CNTNAP5: variants seen among roughly 807,000 people sequenced by gnomAD.
The protein encoded by CNTNAP5 is contactin associated protein family member 5.
A neutral mutation model predicts 150.2 loss-of-function variants in CNTNAP5; 72 were observed. The ratio of observed to expected loss-of-function variants is 0.48; its 90% CI spans 0.40 to 0.58. The LOEUF is 0.58. Among genes scored for constraint, CNTNAP5 ranks in the 20% least tolerant of loss-of-function variants. The pLI is 0.00. For missense variants in CNTNAP5, 1,636 were observed against 1,626.2 expected (o/e 1.01, Z -0.10); for synonymous variants, 672 against 619.8 (o/e 1.08, Z -1.25).
chr2:124,813,586 C>A (rs1332998047), intron 19 of CNTNAP5, among the ~76,000 whole-genome samples: 1 of 151,720 alleles, frequency 6.6e-6, no homozygotes, highest in Non-Finnish European at 1.5e-5. Flanking sequence ...CCCTAGGCCT[C>A]TAAAACTCAA....
chr2:124,504,175 C>A, intron 7 of CNTNAP5, 117 bp from the exon 8 acceptor site: 1 of 1,018,126 alleles, frequency 9.8e-7, no homozygotes, highest in South Asian at 1.6e-5. Context: ...TAAGATCTTG[C>A]CGCTGAATGT....
At position 124,903,032 on chromosome 2, in the gene CNTNAP5, C is replaced by T. The variant is rs34165507; in HGVS notation, c.3587C>T (p.Thr1196Met). The part of the protein sequence containing the change: ...VAPVTVHGTL[T>M]ESSCGFMVDS... ...CCTGTGACTGTCCATGGGACCTTGA[C>T]GGAATCCAGCTGTGGCTTCATGGTG... The change falls in exon 22 of 24, where the codon ACG becomes ATG. Residue 1196 changes from threonine (T) to methionine (M), a missense_variant. Physicochemically the swap from Thr to Met is moderately conservative, Grantham distance 81 (BLOSUM62 -1). Coordinates refer to ENST00000682447, the MANE Select transcript of CNTNAP5 (RefSeq NM_001367498.1). 32,516 of 1,607,612 alleles carry T rather than the reference C, an allele frequency of 0.02. 393 individuals are homozygous for T. Among genetic ancestry groups the T allele is most frequent in the Non-Finnish European group, 0.023 (27,631 of 1,176,726 alleles).
intron 12 of CNTNAP5, among the ~76,000 whole-genome samples, chr2:124,646,778 G>A (rs1332267112): frequency 3.3e-5 from 5 of 152,030 alleles, no homozygotes; most frequent in Non-Finnish European, 5.9e-5. Flanking sequence ...TGCAATTGTT[G>A]TTGTTTTCTT....
At chr2:124,731,921 C>T (rs1680280477) in intron 13 of CNTNAP5, among the ~76,000 whole-genome samples, 1 of 151,542 alleles carries the variant, frequency 6.6e-6, no homozygotes, top group African/African-American at 2.4e-5. Context: ...TTGGGTAAGA[C>T]AATTCAAGAG....
intron 1 of CNTNAP5, among the ~76,000 whole-genome samples, chr2:124,037,504 A>T (rs918299369): frequency 1.3e-5 from 2 of 152,236 alleles, no homozygotes; most frequent in Non-Finnish European, 2.9e-5. Flanking sequence ...GTCAACCTTG[A>T]AAAAGAAGGA....
chr2:124,690,927 G>T (rs72845898), intron 13 of CNTNAP5, among the ~76,000 whole-genome samples: 354 of 152,146 alleles, frequency 2.3e-3, no homozygotes, highest in Non-Finnish European at 3.9e-3. Context: ...TACCCTCAAG[G>T]TTTGCAGAAA....
chr2:124,338,092 A>C (rs1339181911), intron 3 of CNTNAP5, among the ~76,000 whole-genome samples: 3 of 151,942 alleles, frequency 2.0e-5, no homozygotes, highest in Non-Finnish European at 4.4e-5. Flanking sequence ...ATCCCTTGTA[A>C]GTTGGATTCC....
At chr2:124,130,789 A>G (rs1172713810) in intron 1 of CNTNAP5, among the ~76,000 whole-genome samples, 2 of 152,128 alleles carry the variant, frequency 1.3e-5, no homozygotes, top group African/African-American at 4.8e-5. Flanking sequence ...CCTAACCCTA[A>G]ACTGTCATAG....
chr2:124,368,103 T>C (rs1006764732), intron 3 of CNTNAP5, among the ~76,000 whole-genome samples: 1 of 152,196 alleles, frequency 6.6e-6, no homozygotes, highest in Non-Finnish European at 1.5e-5. Context: ...CACTAGCCCA[T>C]GCGTTAGCCT....
chr2:124,445,232 G>A (rs918119213), intron 5 of CNTNAP5, among the ~76,000 whole-genome samples: 4 of 151,896 alleles, frequency 2.6e-5, no homozygotes, highest in Admixed American at 2.0e-4. Flanking sequence ...TGGGATTACA[G>A]GCGCCCATCA....
chr2:124,688,456 A>G (rs543663750), intron 13 of CNTNAP5, among the ~76,000 whole-genome samples: 2 of 152,278 alleles, frequency 1.3e-5, no homozygotes, highest in South Asian at 4.1e-4. Context: ...CAGGGAAAAC[A>G]TCAGTTAGTC....
At position 124,759,872 on chromosome 2, in the gene CNTNAP5, G is replaced by T. The variant is rs1331207557; in HGVS notation, c.2235-3800G>T. Among the ~76,000 whole-genome samples, 7 of 131,804 alleles carry T rather than the reference G, an allele frequency of 5.3e-5. No homozygotes were observed. The South Asian group carries it at 1.4e-3, about 27-fold the overall frequency. The allele number at this position is 131,804 out of a possible 152,430, so 86.5% of individuals were successfully genotyped here. A position where few individuals can be genotyped will look rare whatever the true frequency, so the allele number is the denominator to read the frequency against. The stretch of plus-strand genomic sequence containing the variant: ...ATTTGACCACTCAATGCCTGCATTT[G>T]CTTTGGTTGGCAGCCAAATGACCTT... On this transcript the variant is annotated intron_variant, in intron 14 of 23. Transcript: ENST00000682447.
intron 1 of CNTNAP5, among the ~76,000 whole-genome samples, chr2:124,209,198 A>C (rs987844079): frequency 6.6e-6 from 1 of 152,090 alleles, no homozygotes; most frequent in East Asian, 1.9e-4. Context: ...AAATTACTAG[A>C]TATATCCCCA....
intron 3 of CNTNAP5, among the ~76,000 whole-genome samples, chr2:124,415,919 C>T (rs779066368): frequency 3.3e-5 from 5 of 152,088 alleles, no homozygotes; most frequent in Non-Finnish European, 5.9e-5. Flanking sequence ...AAAAAACCCC[C>T]CAATAATTTT....
At chr2:124,163,709 A>G (rs115331999) in intron 1 of CNTNAP5, among the ~76,000 whole-genome samples, 4,033 of 152,162 alleles carry the variant, frequency 0.027, 198 homozygotes, top group African/African-American at 0.091. Flanking sequence ...TTAAGATTAT[A>G]TGCCTCCCCC....
intron 12 of CNTNAP5, among the ~76,000 whole-genome samples, chr2:124,631,930 AG>A (rs1435078893): frequency 9.9e-5 from 15 of 152,238 alleles, no homozygotes; most frequent in Non-Finnish European, 1.8e-4. Flanking sequence ...TTCTCAGAAA[AG>A]GCACACATGC....
intron 7 of CNTNAP5, among the ~76,000 whole-genome samples, chr2:124,481,868 CAG>C (rs1196389463): frequency 6.6e-6 from 1 of 152,076 alleles, no homozygotes; most frequent in African/African-American, 2.4e-5. Flanking sequence ...AAATTTAAAA[CAG>C]ATAACTAGAA....
chr2:124,324,994 CAG>C (rs1689182427), intron 3 of CNTNAP5, among the ~76,000 whole-genome samples: 1 of 152,114 alleles, frequency 6.6e-6, no homozygotes, highest in Non-Finnish European at 1.5e-5. Context: ...ATAAAGGAGA[CAG>C]AGTTATTCAT....
chr2:124,294,516 A>C (rs573329270), intron 3 of CNTNAP5, among the ~76,000 whole-genome samples: 1 of 152,320 alleles, frequency 6.6e-6, no homozygotes, highest in East Asian at 1.9e-4. Context: ...CAAAATGACA[A>C]GTGCAAAAGC....
Sources: gnomAD v4.1 joint callset for allele counts (sites outside exome capture counted in the v4.1 genomes callset) on GRCh38, gnomAD v4.1.1 for gene constraint, MANE v1.5 for transcripts, NCBI Gene and HGNC (gene_info 2026-07-23, HGNC 2026-07-21) for gene names.